Variants in BTLA observed in about 807,000 individuals in gnomAD.
BTLA encodes B and T lymphocyte associated, also known as B- and T-lymphocyte attenuator.
A neutral mutation model predicts 25.0 loss-of-function variants in BTLA; 11 were observed. The observed-to-expected ratio is 0.44, with a 90% CI of 0.28 to 0.73. The LOEUF is 0.73. BTLA is among the 30% of genes least tolerant of loss of function. The probability of loss-of-function intolerance (pLI) is 0.15; values close to 1 mark genes in which losing one functional copy is unlikely to be tolerated. For missense variants in BTLA, 282 were observed against 332.8 expected, an observed-to-expected ratio of 0.85 and a Z score of 1.19; for synonymous variants, 104 against 119.8, an observed-to-expected ratio of 0.87 and a Z score of 0.86.
rs1457207320 is a variant in BTLA, at chr3:112,469,627, A to ATAGTACATAGAATATGTATATAC, written c.594+130_594+131insGTATATACATATTCTATGTACTA. The ATAGTACATAGAATATGTATATAC allele has an allele frequency of 6.9e-3, 235 of 34,082 alleles. 1 individual carries two copies. Among genetic ancestry groups the ATAGTACATAGAATATGTATATAC allele is most frequent in the Non-Finnish European group, 0.016 (175 of 11,050 alleles). 2.1% of individuals were successfully genotyped at this position (34,082 alleles called of 1,614,324 possible). On this transcript the variant is annotated intron_variant, in intron 4 of 4. Coordinates refer to ENST00000334529, the MANE Select transcript of BTLA (RefSeq NM_181780.4). Reference sequence around the variant, plus strand: ...TCTATGTATATATATATATATATATATATATATATATATATATATATAGTA... The same window carrying ATAGTACATAGAATATGTATATAC: ...TCTATGTATATATATATATATATATATAGTACATAGAATATGTATATACTATATATATATATATATATATAGTA...
At chr3:112,498,043 T>C (rs564250265) in intron 1 of BTLA, among the ~76,000 whole-genome samples, 51 of 151,966 alleles carry the variant, frequency 3.4e-4, no homozygotes, top group African/African-American at 1.2e-3. Context: ...AAAAAACAGG[T>C]TGATGGCAAG....
chr3:112,468,339 A>C (rs1467734733), intron 4 of BTLA, among the ~76,000 whole-genome samples: 3 of 152,156 alleles, frequency 2.0e-5, no homozygotes, highest in Admixed American at 6.5e-5. Flanking sequence ...TGTCATGTTT[A>C]TACCAGTTCC....
chr3:112,485,242 G>C (rs143603234), intron 1 of BTLA, among the ~76,000 whole-genome samples: 4 of 151,808 alleles, frequency 2.6e-5, no homozygotes, highest in Middle Eastern at 3.4e-3. Context: ...ACGGGGTTTC[G>C]CCATGTTAGC....
chr3:112,477,020 C>T (rs1576681397), intron 2 of BTLA, among the ~76,000 whole-genome samples: 1 of 152,246 alleles, frequency 6.6e-6, no homozygotes, highest in Non-Finnish European at 1.5e-5. Flanking sequence ...TACTTCATTC[C>T]TTTTCATGAC....
chr3:112,467,025 T>C (rs902696631), intron 4 of BTLA, among the ~76,000 whole-genome samples: 7 of 151,788 alleles, frequency 4.6e-5, no homozygotes, highest in South Asian at 2.1e-4. Flanking sequence ...TGGTGCGATC[T>C]CGGCTCACCG....
intron 1 of BTLA, among the ~76,000 whole-genome samples, chr3:112,480,307 C>T (rs1430517422): frequency 6.6e-6 from 1 of 152,222 alleles, no homozygotes; most frequent in Non-Finnish European, 1.5e-5. Context: ...CCATCATTTG[C>T]TGACTCTCTT....
chr3:112,499,473 A>T (rs1184039192), upstream of BTLA: 1 of 125,808 alleles, frequency 7.9e-6, no homozygotes, highest in Non-Finnish European at 1.3e-5. Context: ...TGAAATAACT[A>T]AAAAAAAAAA....
At chr3:112,469,607 G>GTA (rs60258722) in intron 4 of BTLA, 151 bp downstream of exon 4, 2,416 of 57,914 alleles carry the variant, frequency 0.042, 106 homozygotes, top group African/African-American at 0.11. Context: ...ATGGGTCTAT[G>GTA]TATATATATA....
At chr3:112,467,738 C>T (rs982519219) in intron 4 of BTLA, among the ~76,000 whole-genome samples, 2 of 152,204 alleles carry the variant, frequency 1.3e-5, no homozygotes, top group Non-Finnish European at 2.9e-5. Flanking sequence ...CTGAAAGAGG[C>T]AGAGGCTGCT....
chr3:112,498,326 G>A (rs1412893629), intron 1 of BTLA, among the ~76,000 whole-genome samples: 10 of 151,540 alleles, frequency 6.6e-5, no homozygotes, highest in Admixed American at 6.6e-4. Flanking sequence ...AGAATAAATT[G>A]AACCCGGGAG....
intron 4 of BTLA, among the ~76,000 whole-genome samples, chr3:112,468,453 G>A (rs1031574475): frequency 1.2e-4 from 19 of 152,148 alleles, no homozygotes; most frequent in African/African-American, 4.3e-4. Context: ...TTTCTGAAAT[G>A]CTAGACAACT....
chr3:112,491,725 GA>G (rs1322695380), intron 1 of BTLA, among the ~76,000 whole-genome samples: 1 of 152,168 alleles, frequency 6.6e-6, no homozygotes, highest in East Asian at 1.9e-4. Context: ...TGAATTTAGG[GA>G]AATCACACAG....
intron 2 of BTLA, among the ~76,000 whole-genome samples, chr3:112,474,957 G>A (rs962087420): frequency 6.6e-6 from 1 of 152,170 alleles, no homozygotes; most frequent in Non-Finnish European, 1.5e-5. Flanking sequence ...TGACCACTGG[G>A]GATGCTATGC....
chr3:112,476,062 A>T (rs1385519017), intron 2 of BTLA, among the ~76,000 whole-genome samples: 1 of 152,168 alleles, frequency 6.6e-6, no homozygotes, highest in Non-Finnish European at 1.5e-5. Context: ...TCTTTAATTC[A>T]TTTACAAAGA....
In BTLA at chr3:112,484,083, C is replaced by G. The variant is rs72938420; in HGVS notation, c.89-4314G>C. Among the ~76,000 whole-genome samples the G allele has an allele frequency of 9.3e-3, 1,409 of 152,096 alleles. 16 individuals are homozygous for G. Among genetic ancestry groups the G allele is most frequent in the African/African-American group, 0.032 (1,346 of 41,486 alleles). ...GAGCTGAACCTTGGTGAATGAGTAGCCCTTTGGCAATCAGAGCAGTGCATG... is the reference window on the plus strand; with the variant it reads ...GAGCTGAACCTTGGTGAATGAGTAGGCCTTTGGCAATCAGAGCAGTGCATG... On this transcript the variant is annotated intron_variant, in intron 1 of 4. Transcript: ENST00000334529.
intron 2 of BTLA, among the ~76,000 whole-genome samples, chr3:112,475,950 T>C (rs975580908): frequency 6.6e-6 from 1 of 152,218 alleles, no homozygotes; most frequent in Non-Finnish European, 1.5e-5. Flanking sequence ...TTAATGTGAA[T>C]TAATAATGCA....
intron 2 of BTLA, among the ~76,000 whole-genome samples, chr3:112,473,394 C>T (rs2082273058): frequency 6.6e-6 from 1 of 152,020 alleles, no homozygotes; most frequent in African/African-American, 2.4e-5. Flanking sequence ...CAATCTTTGT[C>T]TGTCTGCTTT....
intron 1 of BTLA, among the ~76,000 whole-genome samples, chr3:112,494,657 G>T (rs2082399381): frequency 6.6e-6 from 1 of 152,156 alleles, no homozygotes; most frequent in African/African-American, 2.4e-5. Context: ...CACAGGAACA[G>T]AAAACCAAAC....
chr3:112,477,218 G>A (rs1288768211), intron 2 of BTLA, among the ~76,000 whole-genome samples: 2 of 152,116 alleles, frequency 1.3e-5, no homozygotes, highest in Admixed American at 6.5e-5. Context: ...ACTGGGTACT[G>A]TGACAAGTAG....
Sources: allele counts gnomAD v4.1 joint callset (sites outside exome capture counted in the v4.1 genomes callset), GRCh38; gene constraint gnomAD v4.1.1; transcripts MANE v1.5; gene names NCBI Gene and HGNC (gene_info 2026-07-23, HGNC 2026-07-21).